WWP2: variants seen among roughly 807,000 people sequenced by gnomAD.
WWP2 encodes the protein WW domain containing E3 ubiquitin protein ligase 2, also known as NEDD4-like E3 ubiquitin-protein ligase WWP2.
A neutral mutation model predicts 121.0 loss-of-function variants in WWP2; 57 were observed. The ratio of observed to expected loss-of-function variants is 0.47; its 90% CI spans 0.38 to 0.59. The LOEUF (loss-of-function observed/expected upper bound fraction) is 0.59. Among genes scored for constraint, WWP2 ranks in the 20% least tolerant of loss-of-function variants. WWP2 has a pLI of 0.00. For synonymous variants in WWP2, 449 were observed against 441.3 expected (o/e 1.02, Z -0.22); for missense variants, 962 against 1,158.9 (o/e 0.83, Z 2.47).
In WWP2 at chr16:69,846,049, C is replaced by CAAAAAAGAAAAAAAAA. The variant is rs2057070209; in HGVS notation, c.575+3935_575+3936insGAAAAAAAAAAAAAAA. On this transcript the variant is annotated intron_variant, in intron 6 of 23. Transcript: ENST00000359154. ...TGGGTGACAGAGCCAGACTCCATCT[C>CAAAAAAGAAAAAAAAA]AAAAAAAAAAAAAAAAAAAAAGAAT... Among the ~76,000 whole-genome samples the CAAAAAAGAAAAAAAAA allele has an allele frequency of 1.1e-4, 5 of 45,596 alleles. 1 individual carries two copies. The highest frequency in any genetic ancestry group is 5.1e-4 in the African/African-American group (5 of 9,748). 29.9% of individuals were successfully genotyped at this position (45,596 alleles called of 152,430 possible).
At chr16:69,811,271 T>A (rs1190535999) in intron 4 of WWP2, among the ~76,000 whole-genome samples, 2 of 152,170 alleles carry the variant, frequency 1.3e-5, no homozygotes, top group African/African-American at 4.8e-5. Context: ...GAGGTGAATG[T>A]AGCTTGAAGT....
At chr16:69,864,274 G>A (rs2057479108) in intron 6 of WWP2, among the ~76,000 whole-genome samples, 1 of 152,006 alleles carries the variant, frequency 6.6e-6, no homozygotes, top group South Asian at 2.1e-4. Context: ...AGGTTGGGGT[G>A]GGAGGATTGC....
At chr16:69,938,642 C>T (rs1421397901) in intron 21 of WWP2, among the ~76,000 whole-genome samples, 2 of 152,216 alleles carry the variant, frequency 1.3e-5, no homozygotes, top group East Asian at 1.9e-4. Context: ...CAGTGGCTTC[C>T]AGTACATTCA....
intron 4 of WWP2, among the ~76,000 whole-genome samples, chr16:69,807,407 A>C (rs1278655484): frequency 6.6e-6 from 1 of 151,902 alleles, no homozygotes; most frequent in Non-Finnish European, 1.5e-5. Flanking sequence ...TCACCCCTGG[A>C]TATTGAATTT....
At chr16:69,858,667 T>C (rs2057363028) in intron 6 of WWP2, among the ~76,000 whole-genome samples, 1 of 152,164 alleles carries the variant, frequency 6.6e-6, no homozygotes, top group African/African-American at 2.4e-5. Flanking sequence ...TCTTTTCAAA[T>C]CCTTGCAGCT....
chr16:69,818,174 T>C (rs1411717875), intron 4 of WWP2, among the ~76,000 whole-genome samples: 1 of 151,644 alleles, frequency 6.6e-6, no homozygotes, highest in East Asian at 1.9e-4. Flanking sequence ...TTTTGTTTTA[T>C]ATTTTAGATT....
intron 1 of WWP2, among the ~76,000 whole-genome samples, chr16:69,763,036 CG>C (rs1474914269): frequency 6.6e-6 from 1 of 151,918 alleles, no homozygotes; most frequent in African/African-American, 2.4e-5. Context: ...TTTCCCTGAA[CG>C]GGCCATCATC....
Position 69,937,700 on chromosome 16 carries a change from A to G in WWP2, c.2343+48A>G. 6.3e-7 allele frequency: 1 copy of G among 1,597,286 alleles called. No homozygotes were observed. On this transcript the variant is annotated intron_variant, in intron 21 of 23. Coordinates refer to ENST00000359154, the MANE Select transcript of WWP2 (RefSeq NM_001270454.2). The surrounding 1 kb of genome is among the most constrained non-coding windows in gnomAD (Gnocchi z 6.6). Reference sequence around the variant, plus strand: ...GGCAGGGACATTTGGGCCATCAACCAAAGGAAACGGGTCCTGAGGAGGCCT... The same window carrying G: ...GGCAGGGACATTTGGGCCATCAACCGAAGGAAACGGGTCCTGAGGAGGCCT...
At chr16:69,765,774 A>G (rs1480030693) in intron 1 of WWP2, among the ~76,000 whole-genome samples, 1 of 152,146 alleles carries the variant, frequency 6.6e-6, no homozygotes, top group East Asian at 1.9e-4. Context: ...CAGTGAACCA[A>G]GATCGCGCCA....
At chr16:69,927,387 A>G (rs1170996880) in intron 11 of WWP2, among the ~76,000 whole-genome samples, 1 of 152,188 alleles carries the variant, frequency 6.6e-6, no homozygotes, top group Non-Finnish European at 1.5e-5. Flanking sequence ...GGGACTCAGG[A>G]CACCTCGGGT....
intron 4 of WWP2, among the ~76,000 whole-genome samples, chr16:69,810,818 A>G (rs1180377644): frequency 6.7e-6 from 1 of 149,868 alleles, no homozygotes; most frequent in Non-Finnish European, 1.5e-5. Flanking sequence ...GCAGTGGCAC[A>G]ATCTCCGCTC....
chr16:69,937,233 C>T lies in WWP2; in HGVS notation c.2233C>T (p.Leu745=). The T allele has an allele frequency of 6.2e-7, 1 of 1,613,394 alleles. No homozygotes were observed. Among genetic ancestry groups the T allele is most frequent in the Non-Finnish European group, 8.5e-7 (1 of 1,179,888 alleles). Residue 745 remains leucine, a synonymous_variant, in exon 20 of 24, where the codon CTG becomes TTG. Coordinates refer to ENST00000359154, the MANE Select transcript of WWP2 (RefSeq NM_001270454.2). The surrounding 1 kb of genome is among the most constrained non-coding windows in gnomAD (Gnocchi z 6.6). ...EWLRYFDEKE[L]ELMLCGMQEI... is the part of the protein sequence containing the mutation. The stretch of plus-strand genomic sequence containing the variant: ...GCTGCGCTACTTTGACGAGAAAGAG[C>T]TGGAGGTGAGTGTCTGAGGTTGCTG...
intron 4 of WWP2, chr16:69,838,862 C>T (rs192659760): frequency 6.0e-4 from 590 of 985,262 alleles, no homozygotes; most frequent in Admixed American, 7.4e-4. Context: ...GAAGGTAGAG[C>T]GCTTAGGAGA....
intron 7 of WWP2, among the ~76,000 whole-genome samples, chr16:69,874,300 A>G (rs1366432299): frequency 2.6e-5 from 4 of 152,056 alleles, no homozygotes; most frequent in Admixed American, 2.6e-4. Context: ...GCAGCGCAGG[A>G]CCAGAGGGGG....
chr16:69,881,352 C>A (rs2057826148), intron 7 of WWP2, among the ~76,000 whole-genome samples: 1 of 152,160 alleles, frequency 6.6e-6, no homozygotes, highest in Non-Finnish European at 1.5e-5. Context: ...GTTTTGTCTG[C>A]AGTGAAATGG....
chr16:69,931,802 A>G lies in WWP2; in HGVS notation c.1594A>G (p.Ile532Val). 1.2e-6 allele frequency: 2 copies of G among 1,613,524 alleles called. No individual in the cohort carries two copies. The highest frequency in any genetic ancestry group is 1.7e-6 in the Non-Finnish European group (2 of 1,179,958). Reference sequence around the variant, plus strand: ...CTGGCCCGATGCTCTGTCTTCCCAGATCATGAACATGAAACCCTATGACCT... The same window carrying G: ...CTGGCCCGATGCTCTGTCTTCCCAGGTCATGAACATGAAACCCTATGACCT... ...QTLFEDSFQQ[I>V]MNMKPYDLRR... The change falls in exon 16 of 24, where the codon ATC (isoleucine) becomes GTC (valine). Residue 532 changes from isoleucine to valine, a missense_variant and splice_region_variant. Ile to Val is a conservative substitution (Grantham distance 29, BLOSUM62 3). Coordinates refer to ENST00000359154, the MANE Select transcript of WWP2 (RefSeq NM_001270454.2).
Position 69,830,091 on chromosome 16 carries a change from A to AT in WWP2, c.341-10033dup, listed in dbSNP as rs528409484. 6.5e-3 allele frequency among the ~76,000 whole-genome samples: 986 copies of AT among 152,086 alleles called. 13 individuals carry two copies. The highest frequency in any genetic ancestry group is 0.023 in the African/African-American group (950 of 41,470). On this transcript the variant is annotated intron_variant, in intron 4 of 23. Transcript: ENST00000359154. ...TGCCTCAGCCACCCAAGTAGCTGGG[A>AT]TTACAGGCACATGCCACCATGCCTG...
chr16:69,837,432 A>T (rs1261208616), intron 4 of WWP2, among the ~76,000 whole-genome samples: 2 of 152,248 alleles, frequency 1.3e-5, no homozygotes, highest in East Asian at 3.8e-4. Flanking sequence ...GCCTTCAAAT[A>T]TATAATGATT....
intron 16 of WWP2, among the ~76,000 whole-genome samples, chr16:69,932,092 G>A (rs1188060655): frequency 2.0e-5 from 3 of 152,246 alleles, no homozygotes; most frequent in Non-Finnish European, 4.4e-5. Context: ...CACTTTGGGA[G>A]GCTGAGGCAG....
Sources: allele counts gnomAD v4.1 joint callset (sites outside exome capture counted in the v4.1 genomes callset), GRCh38; gene constraint gnomAD v4.1.1; non-coding constraint Gnocchi (gnomAD v3.1); transcripts MANE v1.5; gene names NCBI Gene and HGNC (gene_info 2026-07-23, HGNC 2026-07-21).